The following EEF1D variants were observed in gnomAD, a reference collection of about 807,000 sequenced individuals.
EEF1D encodes the protein elongation factor 1-delta.
A neutral mutation model predicts 63.9 loss-of-function variants in EEF1D; 47 were observed. The ratio of observed to expected loss-of-function variants is 0.74; its 90% CI spans 0.58 to 0.94. The LOEUF is 0.94. EEF1D is among the 40% of genes least tolerant of loss of function. The pLI, the probability that EEF1D is intolerant of heterozygous loss-of-function variation, is 0.00. For missense variants in EEF1D, 907 were observed against 899.0 expected, an observed-to-expected ratio of 1.01 and a Z score of -0.11; for synonymous variants, 412 against 386.1, an observed-to-expected ratio of 1.07 and a Z score of -0.79.
Position 143,589,060 on chromosome 8 carries a change from A to G in EEF1D, c.1022T>C (p.Leu341Pro). The change falls in exon 3 of 10, where the codon CTC (leucine) becomes CCC (proline). Residue 341 changes from leucine (L) to proline (P), a missense_variant. Transcript: ENST00000618139. Reference sequence around the variant, plus strand: ...TCGGTGAGACAGGGAGGCAGCTTCGAGGCACCAGGCCACCCGCAGGGCCTC... The same window carrying G: ...TCGGTGAGACAGGGAGGCAGCTTCGGGGCACCAGGCCACCCGCAGGGCCTC... ...AAEALRVAWCLEAASLSHRPG... is the reference protein window; with the variant it reads ...AAEALRVAWCPEAASLSHRPG... 7 of 1,607,990 alleles carry G rather than the reference A, an allele frequency of 4.4e-6. No homozygotes were observed. The highest frequency in any genetic ancestry group is 1.7e-4 in the Middle Eastern group (1 of 5,830).
intron 2 of EEF1D, chr8:143,590,581 C>T: frequency 9.4e-7 from 1 of 1,062,236 alleles, no homozygotes; most frequent in Non-Finnish European, 1.1e-6. Context: ...ACCACTGCCA[C>T]ACCCAGAGCA....
chr8:143,589,369 C>A lies in EEF1D; in HGVS notation c.713G>T (p.Arg238Leu). 1 of 1,553,440 alleles carries A rather than the reference C, an allele frequency of 6.4e-7. No individual in the cohort carries two copies. Among genetic ancestry groups the A allele is most frequent in the Non-Finnish European group, 8.7e-7 (1 of 1,145,836 alleles). ...LVREVWLEKP[R>L]YDAAERGFYE... ...GAAGCCCCTCTCGGCTGCATCATAC[C>A]GGGGCTTCTCCAGCCACACCTCCCG... is the stretch of plus-strand genomic sequence containing the variant. The change falls in exon 3 of 10, where the codon CGG becomes CTG. Residue 238 changes from arginine to leucine, a missense_variant. Coordinates refer to ENST00000618139, the MANE Select transcript of EEF1D (RefSeq NM_001130053.5).
chr8:143,589,945 CCCTCGGCTGGCA>C lies in EEF1D; in HGVS notation c.125_136del (p.Leu42_Gly46delinsArg), dbSNP rs1161904904. 1.9e-6 allele frequency: 3 copies of C among 1,599,096 alleles called. No individual in the cohort carries two copies. Among genetic ancestry groups the C allele is most frequent in the Non-Finnish European group, 2.5e-6 (3 of 1,179,008 alleles). On this transcript the variant is annotated inframe_deletion, in exon 3 of 10. Coordinates refer to ENST00000618139, the MANE Select transcript of EEF1D (RefSeq NM_001130053.5). ...CTGGCCGGGCCCATTCATGGCTGGCCCCTCGGCTGGCAGCTGCTGGGCGGAGGCGGCCGCCTG... is the reference window on the plus strand; with the variant it reads ...CTGGCCGGGCCCATTCATGGCTGGCCGCTGCTGGGCGGAGGCGGCCGCCTG...
At chr8:143,585,402 C>T (rs1364526279) in intron 5 of EEF1D, among the ~76,000 whole-genome samples, 2 of 152,202 alleles carry the variant, frequency 1.3e-5, no homozygotes, top group Non-Finnish European at 2.9e-5. Flanking sequence ...GAACAGACTC[C>T]TCCTGAGCCT....
Position 143,587,046 on chromosome 8 carries a change from A to G in EEF1D, c.1092-194T>C. On this transcript the variant is annotated intron_variant, in intron 3 of 9. Coordinates refer to ENST00000618139, the MANE Select transcript of EEF1D (RefSeq NM_001130053.5). Reference sequence around the variant, plus strand: ...CCTGTCTTCCAGACGAGGAGTTCTCAAAGTGTGGTCCGAGAACCTCTGAGG... The same window carrying G: ...CCTGTCTTCCAGACGAGGAGTTCTCGAAGTGTGGTCCGAGAACCTCTGAGG... The G allele has an allele frequency of 4.5e-6, 3 of 662,994 alleles. No individual in the cohort carries two copies. In the South Asian group the frequency reaches 6.1e-5, roughly 13 times the overall value. The allele number at this position is 662,994 out of a possible 1,614,324, so 41.1% of individuals were successfully genotyped here.
chr8:143,592,894 C>G (rs969460595), intron 1 of EEF1D: 5 of 159,012 alleles, frequency 3.1e-5, no homozygotes, highest in African/African-American at 1.2e-4. Context: ...CCGTCATCCC[C>G]TGAAAGGGGA....
chr8:143,582,698 A>C (rs1438020965), intron 5 of EEF1D: 1 of 151,810 alleles, frequency 6.6e-6, no homozygotes, highest in Non-Finnish European at 1.5e-5. Flanking sequence ...CACAGCACTC[A>C]GGACACAGGG....
chr8:143,589,159 A>G lies in EEF1D; in HGVS notation c.923T>C (p.Leu308Pro), dbSNP rs758374069. 45 of 1,607,384 alleles carry G rather than the reference A, an allele frequency of 2.8e-5. No homozygotes were observed. Among genetic ancestry groups the G allele is most frequent in the Non-Finnish European group, 3.8e-5 (45 of 1,177,252 alleles). ...CCAGGGGGCCTCTGCATCCTTCTGC[A>G]GGAAGTAACAGTAGGGCAAGGCAGA... The part of the protein sequence containing the change: ...APSALPYCYF[L>P]QKDAEAPWLS... Residue 308 changes from leucine (L) to proline (P), a missense_variant, in exon 3 of 10, where the codon CTG (leucine) becomes CCG (proline). By Grantham distance (98) the Leu-to-Pro change is moderately conservative (BLOSUM62 -3). Transcript: ENST00000618139.
At chr8:143,588,905 G>A in intron 3 of EEF1D, 86 bp downstream of exon 3, 2 of 1,484,378 alleles carry the variant, frequency 1.3e-6, no homozygotes, top group Non-Finnish European at 1.8e-6. Flanking sequence ...GTGGGCAGGG[G>A]AGGAAGCTGG....
Position 143,581,278 on chromosome 8 carries a change from G to T in EEF1D, c.1338C>A (p.Leu446=). Residue 446 remains leucine, a synonymous_variant, in exon 6 of 10, where the codon CTC becomes CTA. Coordinates refer to ENST00000618139, the MANE Select transcript of EEF1D (RefSeq NM_001130053.5). ...CTTCCAGACTGGCAATCCGGACGACGAGCTCACCGTGGTCTCCGCTGGTGC... is the reference window on the plus strand; with the variant it reads ...CTTCCAGACTGGCAATCCGGACGACTAGCTCACCGTGGTCTCCGCTGGTGC... ...SSGTSGDHGE[L]VVRIASLEVE... The T allele has an allele frequency of 6.2e-7, 1 of 1,612,452 alleles. No homozygotes were observed. The highest frequency in any genetic ancestry group is 8.5e-7 in the Non-Finnish European group (1 of 1,180,000).
chr8:143,579,819 G>A lies in EEF1D; in HGVS notation c.1917C>T (p.Val639=), dbSNP rs1229960637. ...ITKFEEHVQS[V]DIAAFNKI Reference sequence around the variant, plus strand: ...AGATCTTGTTGAAAGCTGCGATATCGACACTCTGCACCTGAGGAGAGGCGG... The same window carrying A: ...AGATCTTGTTGAAAGCTGCGATATCAACACTCTGCACCTGAGGAGAGGCGG... The change falls in exon 10 of 10, where the codon GTC becomes GTT. Residue 639 remains valine, a synonymous_variant. Coordinates refer to ENST00000618139, the MANE Select transcript of EEF1D (RefSeq NM_001130053.5). 1 of 1,566,268 alleles carries A rather than the reference G, an allele frequency of 6.4e-7. No homozygotes were observed.
intron 3 of EEF1D, among the ~76,000 whole-genome samples, chr8:143,588,183 C>T (rs968504772): frequency 6.6e-6 from 1 of 152,204 alleles, no homozygotes; most frequent in Non-Finnish European, 1.5e-5. Flanking sequence ...AATCCAGACC[C>T]CTAGGGGTCC....
chr8:143,589,024 C>G lies in EEF1D; in HGVS notation c.1058G>C (p.Arg353Pro). Residue 353 changes from arginine (R) to proline (P), a missense_variant, in exon 3 of 10, where the codon CGG becomes CCG. Coordinates refer to ENST00000618139, the MANE Select transcript of EEF1D (RefSeq NM_001130053.5). ...AASLSHRPGP[R>P]SGLSVSSLRP... is the part of the protein sequence containing the mutation. The stretch of plus-strand genomic sequence containing the variant: ...CAGGCTGGACACGGACAGGCCAGAC[C>G]GAGGACCGGGTCGGTGAGACAGGGA... 6.2e-7 allele frequency: 1 copy of G among 1,600,678 alleles called. No homozygotes were observed. The highest frequency in any genetic ancestry group is 8.5e-7 in the Non-Finnish European group (1 of 1,179,438).
At chr8:143,581,524 G>C in intron 5 of EEF1D, 196 bp from the exon 6 acceptor site, 1 of 599,316 alleles carries the variant, frequency 1.7e-6, no homozygotes, top group Non-Finnish European at 3.0e-6. Flanking sequence ...TTCTCAGCCA[G>C]GCAAAGTCCA....
rs143593402 is a variant in EEF1D, at chr8:143,580,083, G to A, written c.1834C>T (p.Gln612Ter). ...VGYGIRKLQI[Q>*]CVVEDDKVGT... ...ACCTTGTCGTCCTCCACCACACACT[G>A]AATCTGTAGCTTCCGGATACCGTAG... The change falls in exon 9 of 10, where the codon CAG (glutamine) becomes TAG (stop). Residue 612 changes from glutamine to a stop codon, truncating the protein, a stop_gained. Transcript: ENST00000618139. LOFTEE classifies it high-confidence loss of function. 6.2e-7 allele frequency: 1 copy of A among 1,614,004 alleles called. No homozygotes were observed. The highest frequency in any genetic ancestry group is 1.7e-5 in the Admixed American group (1 of 60,020).
At position 143,592,635 on chromosome 8, in the gene EEF1D, G is replaced by T; in HGVS notation, c.-1+12C>A. ...GAAGGGGAATGGGGCATGAGGACAG[G>T]CGAGTACTTACTTTGCTTTGGCCTC... On this transcript the variant is annotated intron_variant, in intron 2 of 9. Coordinates refer to ENST00000618139, the MANE Select transcript of EEF1D (RefSeq NM_001130053.5). 4 of 985,648 alleles carry T rather than the reference G, an allele frequency of 4.1e-6. No homozygotes were observed. The highest frequency in any genetic ancestry group is 4.8e-6 in the Non-Finnish European group (4 of 830,052). 61.1% of individuals were successfully genotyped at this position (985,648 alleles called of 1,614,324 possible).
At chr8:143,596,013 AG>A (rs1353998339) in intron 1 of EEF1D, 1 of 152,350 alleles carries the variant, frequency 6.6e-6, no homozygotes, top group Non-Finnish European at 1.5e-5. Flanking sequence ...TCCTGTCCTC[AG>A]CCCCCAGAAG....
rs1280924956 is a variant in EEF1D at position 143,581,292 on chromosome 8, C to T, written c.1324G>A (p.Asp442Asn). ...ATCCGGACGACGAGCTCACCGTGGT[C>T]TCCGCTGGTGCCGCTGGAGGCCCCG... ...GPGASSGTSG[D>N]HGELVVRIAS... is the part of the protein sequence containing the mutation. The change falls in exon 6 of 10, where the codon GAC becomes AAC. Residue 442 changes from aspartate to asparagine, a missense_variant. Transcript: ENST00000618139. 1.9e-6 allele frequency: 3 copies of T among 1,612,126 alleles called. No individual in the cohort carries two copies. The African/African-American group carries it at 4.0e-5, about 22-fold the overall frequency.
chr8:143,595,718 T>C (rs2131325532), intron 1 of EEF1D, among the ~76,000 whole-genome samples: 1 of 143,422 alleles, frequency 7.0e-6, no homozygotes, highest in Non-Finnish European at 1.5e-5. Flanking sequence ...GCCAGCTCCA[T>C]GGCCAGCCCT....
Sources: gnomAD v4.1 joint callset for allele counts (sites outside exome capture counted in the v4.1 genomes callset) on GRCh38, gnomAD v4.1.1 for gene constraint, MANE v1.5 for transcripts, NCBI Gene and HGNC (gene_info 2026-07-23, HGNC 2026-07-21) for gene names.